Variants in NSMAF observed in about 807,000 individuals in gnomAD.
The protein encoded by NSMAF is neutral sphingomyelinase activation associated factor.
NSMAF carries 90 observed loss-of-function variants against 134.9 expected under a neutral mutation model. The ratio of observed to expected loss-of-function variants is 0.67; its 90% confidence interval spans 0.56 to 0.79. The LOEUF (loss-of-function observed/expected upper bound fraction) is 0.79, where lower values mean the gene tolerates loss of function less well. Among genes scored for constraint, NSMAF ranks in the 30% least tolerant of loss-of-function variants. NSMAF has a pLI of 0.00. For missense variants in NSMAF, 1,010 were observed against 1,119.0 expected, an observed-to-expected ratio of 0.90 and a Z score of 1.39; for synonymous variants, 358 against 389.6, an observed-to-expected ratio of 0.92 and a Z score of 0.96.
chr8:58,624,035 ATTTTTTTTTTT>A (rs11431046), intron 6 of NSMAF, among the ~76,000 whole-genome samples: 18 of 99,094 alleles, frequency 1.8e-4, no homozygotes, highest in Middle Eastern at 6.9e-3. Flanking sequence ...TAGAGTTAGG[ATTTTTTTTTTT>A]TTTTTTTTTT....
chr8:58,588,312 C>A, intron 26 of NSMAF: 1 of 693,678 alleles, frequency 1.4e-6, no homozygotes, highest in South Asian at 1.6e-5. Flanking sequence ...TTTAATGATT[C>A]CTCACTTTAA....
chr8:58,592,954 C>T (rs1806052618), intron 23 of NSMAF, among the ~76,000 whole-genome samples: 2 of 151,774 alleles, frequency 1.3e-5, no homozygotes, highest in Admixed American at 6.6e-5. Flanking sequence ...TGTGAAAATC[C>T]ACAGAGGAGT....
At chr8:58,590,956 G>A in intron 23 of NSMAF, 22 bp from the exon 24 acceptor site, 3 of 1,559,602 alleles carry the variant, frequency 1.9e-6, no homozygotes. Context: ...ATGAGAAGTA[G>A]ATATATAAGA....
intron 23 of NSMAF, among the ~76,000 whole-genome samples, chr8:58,591,392 T>C (rs899279164): frequency 1.3e-5 from 2 of 152,054 alleles, no homozygotes; most frequent in African/African-American, 4.8e-5. Context: ...GAACATTAGT[T>C]ATAGAAGGGA....
At chr8:58,604,965 G>A (rs1486468161) in intron 12 of NSMAF, among the ~76,000 whole-genome samples, 1 of 152,010 alleles carries the variant, frequency 6.6e-6, no homozygotes, top group Non-Finnish European at 1.5e-5. Flanking sequence ...GGCTGGTCTC[G>A]AACTCCTGGG....
At position 58,597,372 on chromosome 8, in the gene NSMAF, CTT is replaced by C; in HGVS notation, c.1792+13_1792+14del. On this transcript the variant is annotated intron_variant, in intron 21 of 30. Coordinates refer to ENST00000038176, the MANE Select transcript of NSMAF (RefSeq NM_003580.4). The stretch of plus-strand genomic sequence containing the variant: ...AACAAAAGGTGCTCACGTTTATTCT[CTT>C]TACAAAATTTACCTGGGGAATCTGC... 6.2e-7 allele frequency: 1 copy of C among 1,610,266 alleles called. No individual in the cohort carries two copies. The highest frequency in any genetic ancestry group is 8.5e-7 in the Non-Finnish European group (1 of 1,177,400).
At position 58,583,984 on chromosome 8, in the gene NSMAF, A is replaced by T; in HGVS notation, c.*122T>A. On this transcript the variant is annotated 3_prime_UTR_variant, in exon 31 of 31. Coordinates refer to ENST00000038176, the MANE Select transcript of NSMAF (RefSeq NM_003580.4). ...CATGATTTAGAAAGTTTAAAACCACAAATTTTCCATGTGGTAAAACTTCTA... is the reference window on the plus strand; with the variant it reads ...CATGATTTAGAAAGTTTAAAACCACTAATTTTCCATGTGGTAAAACTTCTA... 1 of 797,830 alleles carries T rather than the reference A, an allele frequency of 1.3e-6. No individual in the cohort carries two copies. The highest frequency in any genetic ancestry group is 2.1e-6 in the Non-Finnish European group (1 of 474,496). The allele number at this position is 797,830 out of a possible 1,614,324, so 49.4% of individuals were successfully genotyped here. A position where few individuals can be genotyped will look rare whatever the true frequency, so the allele number is the denominator to read the frequency against.
Position 58,594,188 on chromosome 8 carries a change from T to A in NSMAF, c.1951+44A>T, listed in dbSNP as rs373303734. On this transcript the variant is annotated intron_variant, in intron 23 of 30. Coordinates refer to ENST00000038176, the MANE Select transcript of NSMAF (RefSeq NM_003580.4). ...AGCTAAATAATAAAGAACTCAGACA[T>A]TCTAGGATTTTGGTTAAGCCGCCTT... The A allele has an allele frequency of 6.4e-6, 10 of 1,551,672 alleles. No homozygotes were observed. In the African/African-American group the frequency reaches 1.2e-4, roughly 19 times the overall value.
chr8:58,623,199 G>GA (rs1806828880), intron 9 of NSMAF, 21 bp downstream of exon 9: 1 of 1,558,554 alleles, frequency 6.4e-7, no homozygotes, highest in African/African-American at 1.4e-5. Context: ...TTCTAATTAG[G>GA]AAAGATCATT....
chr8:58,639,486 C>T (rs947056072), intron 2 of NSMAF, among the ~76,000 whole-genome samples: 8 of 152,134 alleles, frequency 5.3e-5, no homozygotes, highest in Admixed American at 1.3e-4. Context: ...GAAAAGAGAA[C>T]CCTTATATAC....
chr8:58,588,739 C>T, intron 26 of NSMAF: 9 of 1,437,416 alleles, frequency 6.3e-6, no homozygotes, highest in South Asian at 2.3e-5. Context: ...TTTGGCACGA[C>T]CATTGTTCCT....
At position 58,590,882 on chromosome 8, in the gene NSMAF, T is replaced by TA; in HGVS notation, c.2003dup (p.Ser669IlefsTer26). ...ATGAACTCACCATATTTGAAAATGATATACTTCTTTGTAGCATTTTTGATT... is the reference window on the plus strand; with the variant it reads ...ATGAACTCACCATATTTGAAAATGATAATACTTCTTTGTAGCATTTTTGATT... On this transcript the variant is annotated frameshift_variant, in exon 24 of 31. Transcript: ENST00000038176. LOFTEE classifies it high-confidence loss of function. 1 of 1,561,562 alleles carries TA rather than the reference T, an allele frequency of 6.4e-7. No homozygotes were observed. Among genetic ancestry groups the TA allele is most frequent in the South Asian group, 1.1e-5 (1 of 89,788 alleles).
intron 6 of NSMAF, among the ~76,000 whole-genome samples, chr8:58,629,988 T>C (rs780413500): frequency 1.3e-5 from 2 of 152,154 alleles, no homozygotes; most frequent in Non-Finnish European, 2.9e-5. Context: ...GCCAGTCCCT[T>C]GGGCAGCTCC....
At chr8:58,644,543 G>A (rs1263958414) in intron 1 of NSMAF, among the ~76,000 whole-genome samples, 2 of 152,184 alleles carry the variant, frequency 1.3e-5, no homozygotes, top group African/African-American at 2.4e-5. Context: ...CAACCATTGT[G>A]GAAGACAGTG....
chr8:58,638,890 C>T (rs897988823), intron 2 of NSMAF, among the ~76,000 whole-genome samples: 1 of 152,070 alleles, frequency 6.6e-6, no homozygotes, highest in Admixed American at 6.6e-5. Flanking sequence ...GGGCTAATAT[C>T]CAAAATACAT....
intron 27 of NSMAF, among the ~76,000 whole-genome samples, chr8:58,587,343 G>A (rs778213517): frequency 2.6e-5 from 4 of 152,118 alleles, no homozygotes; most frequent in Non-Finnish European, 5.9e-5. Flanking sequence ...AATATTCAAC[G>A]TCCTGCTCAG....
intron 16 of NSMAF, among the ~76,000 whole-genome samples, chr8:58,600,435 C>T (rs767573172): frequency 3.3e-5 from 5 of 151,938 alleles, no homozygotes; most frequent in Admixed American, 6.6e-5. Context: ...CCATCCTGGC[C>T]AACATGGTGA....
At chr8:58,610,020 A>C (rs1206365092) in intron 9 of NSMAF, among the ~76,000 whole-genome samples, 1 of 152,150 alleles carries the variant, frequency 6.6e-6, no homozygotes, top group Non-Finnish European at 1.5e-5. Flanking sequence ...TTCCCCCCAA[A>C]ATAAATAGGC....
chr8:58,611,060 CG>C (rs1441866707), intron 9 of NSMAF, among the ~76,000 whole-genome samples: 1 of 152,100 alleles, frequency 6.6e-6, no homozygotes, highest in Admixed American at 6.5e-5. Flanking sequence ...TTATTTAGTT[CG>C]GTCTCAACAC....
Sources: gnomAD v4.1 joint callset for allele counts (sites outside exome capture counted in the v4.1 genomes callset) on GRCh38, gnomAD v4.1.1 for gene constraint, MANE v1.5 for transcripts, NCBI Gene and HGNC (gene_info 2026-07-23, HGNC 2026-07-21) for gene names.